Variants in ATP12A observed in about 807,000 individuals in gnomAD.
ATP12A encodes potassium-transporting ATPase alpha chain 2.
Under a neutral mutation model 111.2 loss-of-function variants are expected in ATP12A, and 81 were observed. That is an observed-to-expected ratio of 0.73 (90% confidence interval 0.61 to 0.88). The LOEUF (loss-of-function observed/expected upper bound fraction) is 0.88. Ranked by LOEUF, ATP12A falls within the 40% of genes least tolerant of loss-of-function variation. ATP12A has a pLI of 0.00. For missense variants in ATP12A, 1,196 were observed against 1,313.1 expected (o/e 0.91, Z 1.38); for synonymous variants, 498 against 499.8 (o/e 1.00, Z 0.05).
chr13:24,710,721 C>T (rs1048568576), intron 20 of ATP12A, 71 bp from the exon 21 acceptor site: 39 of 1,597,214 alleles, frequency 2.4e-5, no homozygotes, highest in Non-Finnish European at 2.6e-5. Context: ...TTTCTGGTGG[C>T]ATGGTCTGCT....
At chr13:24,706,490 C>A (rs1170477863) in intron 15 of ATP12A, 27 bp downstream of exon 15, 1 of 1,608,602 alleles carries the variant, frequency 6.2e-7, no homozygotes, top group Non-Finnish European at 8.5e-7. Flanking sequence ...GTCCAGAGGA[C>A]TGACAGGCCC....
intron 5 of ATP12A, 80 bp from the exon 6 acceptor site, chr13:24,690,258 G>C: frequency 6.4e-7 from 1 of 1,570,058 alleles, no homozygotes; most frequent in South Asian, 1.2e-5. Context: ...CTCTGTCCTG[G>C]GGTTCGGTGC....
At chr13:24,694,122 G>C (rs1875024899) in intron 10 of ATP12A, among the ~76,000 whole-genome samples, 1 of 152,150 alleles carries the variant, frequency 6.6e-6, no homozygotes. Context: ...TCATGCCCCT[G>C]CACCCGCATC....
chr13:24,688,468 T>C lies in ATP12A; in HGVS notation c.378T>C (p.Cys126=), dbSNP rs1360303624. Residue 126 remains cysteine (C), a synonymous_variant, in exon 4 of 23, where the codon TGT becomes TGC. Transcript: ENST00000381946. ...SILLWVGAFL[C]WIAYGIQYSS... Reference sequence around the variant, plus strand: ...TCCTGTGGGTGGGCGCCTTTCTCTGTTGGATTGCATATGGGATTCAGTACT... The same window carrying C: ...TCCTGTGGGTGGGCGCCTTTCTCTGCTGGATTGCATATGGGATTCAGTACT... The C allele has an allele frequency of 3.1e-6, 5 of 1,613,680 alleles. No homozygotes were observed. In the Admixed American group the frequency reaches 6.7e-5, roughly 22 times the overall value.
chr13:24,708,761 T>C (rs913057598), intron 17 of ATP12A, among the ~76,000 whole-genome samples: 3 of 149,898 alleles, frequency 2.0e-5, no homozygotes, highest in South Asian at 2.1e-4. Context: ...TCCAGATAAC[T>C]GGGCTAGGAA....
At chr13:24,709,279 G>GCCCCCCCCC in intron 17 of ATP12A, 85 bp from the exon 18 acceptor site, 1 of 211,220 alleles carries the variant, frequency 4.7e-6, no homozygotes, top group Admixed American at 5.7e-5. Context: ...TCCAGCCAGT[G>GCCCCCCCCC]CCCCACCCAC....
In ATP12A at chr13:24,682,286, ATGTG is replaced by A. The variant is rs1420960830; in HGVS notation, c.168+569_168+572del. Among the ~76,000 whole-genome samples the A allele has an allele frequency of 4.3e-5, 3 of 70,438 alleles. No individual in the cohort carries two copies. The East Asian group carries it at 1.4e-3, about 34-fold the overall frequency. The allele number at this position is 70,438 out of a possible 152,430, so 46.2% of individuals were successfully genotyped here. A position where few individuals can be genotyped will look rare whatever the true frequency, so the allele number is the denominator to read the frequency against. On this transcript the variant is annotated intron_variant, in intron 2 of 22. Transcript: ENST00000381946. ...GGTGTGTGTGTAGTGTGTGGTGTGT[ATGTG>A]TGGTGTGTGTATGTGCATGGTATGT...
chr13:24,708,410 T>C (rs745431065), intron 17 of ATP12A, among the ~76,000 whole-genome samples: 12 of 152,294 alleles, frequency 7.9e-5, no homozygotes, highest in Non-Finnish European at 1.6e-4. Context: ...TCTCTTGTTT[T>C]CTACAACACC....
intron 7 of ATP12A, 33 bp downstream of exon 7, chr13:24,690,754 C>A: frequency 6.4e-7 from 1 of 1,574,008 alleles, no homozygotes; most frequent in Admixed American, 1.7e-5. Context: ...CCCACATGTC[C>A]ACCTGTGTCC....
At chr13:24,684,164 A>G (rs562673682) in intron 2 of ATP12A, among the ~76,000 whole-genome samples, 83 of 152,060 alleles carry the variant, frequency 5.5e-4, no homozygotes, top group Admixed American at 1.8e-3. Flanking sequence ...GTATCTGCCC[A>G]AAACTTAGTG....
At chr13:24,695,573 G>A (rs941459624) in intron 11 of ATP12A, among the ~76,000 whole-genome samples, 2 of 150,254 alleles carry the variant, frequency 1.3e-5, no homozygotes, top group African/African-American at 4.9e-5. Context: ...TCTTAGTTCG[G>A]ATGGAATTTA....
Position 24,698,721 on chromosome 13 carries a change from CCT to C in ATP12A, c.1577_1578del (p.Pro526ArgfsTer61), listed in dbSNP as rs778746285. ...KRFLMVMKGAPERILEKCSTI... is the reference protein window; with the variant it reads ...KRFLMVMKGAXERILEKCSTI... Reference sequence around the variant, plus strand: ...CTTCCTCATGGTGATGAAGGGGGCCCCTGAGCGCATCCTAGAGAAATGCAGCA... The same window carrying C: ...CTTCCTCATGGTGATGAAGGGGGCCCGAGCGCATCCTAGAGAAATGCAGCA... On this transcript the variant is annotated frameshift_variant, in exon 12 of 23. Transcript: ENST00000381946. LOFTEE classifies it high-confidence loss of function. 1.9e-5 allele frequency: 31 copies of C among 1,613,918 alleles called. No homozygotes were observed. Among genetic ancestry groups the C allele is most frequent in the Non-Finnish European group, 2.5e-5 (30 of 1,180,028 alleles).
rs745714575 is a variant in ATP12A at position 24,709,406 on chromosome 13, A to G, written c.2536A>G (p.Ile846Val). ...ALAYEKAESD[I>V]MNRKPRHKNK... ...GGCGTACGAGAAAGCTGAAAGTGAC[A>G]TCATGAACAGGAAGCCTCGCCACAA... The change falls in exon 18 of 23, where the codon ATC (isoleucine) becomes GTC (valine). Residue 846 changes from isoleucine (I) to valine (V), a missense_variant. Transcript: ENST00000381946. The G allele has an allele frequency of 7.4e-6, 12 of 1,613,800 alleles. No individual in the cohort carries two copies. Among genetic ancestry groups the G allele is most frequent in the Non-Finnish European group, 1.0e-5 (12 of 1,180,004 alleles).
chr13:24,706,605 T>A, intron 15 of ATP12A, 142 bp downstream of exon 15: 1 of 1,260,296 alleles, frequency 7.9e-7, no homozygotes, highest in Middle Eastern at 2.5e-4. Flanking sequence ...ACCTGACCTC[T>A]CCAACCTCTC....
intron 2 of ATP12A, among the ~76,000 whole-genome samples, chr13:24,684,073 C>T (rs1420176998): frequency 1.3e-5 from 2 of 151,148 alleles, no homozygotes; most frequent in African/African-American, 4.9e-5. Flanking sequence ...TCGTCCCACC[C>T]CTCCCCCATG....
intron 11 of ATP12A, among the ~76,000 whole-genome samples, chr13:24,697,584 G>A (rs1032411941): frequency 2.0e-5 from 3 of 149,628 alleles, no homozygotes; most frequent in African/African-American, 2.5e-5. Flanking sequence ...AGGCTGCAGT[G>A]AGCTGTGATC....
intron 17 of ATP12A, among the ~76,000 whole-genome samples, chr13:24,708,969 GA>G (rs1875832969): frequency 6.8e-6 from 1 of 146,450 alleles, no homozygotes; most frequent in African/African-American, 2.5e-5. Context: ...AAGAAGGAAA[GA>G]GAAAGAGAAA....
chr13:24,694,318 A>G, intron 10 of ATP12A, 126 bp from the exon 11 acceptor site: 1 of 1,244,136 alleles, frequency 8.0e-7, no homozygotes. Context: ...GCCCTCCCTG[A>G]TCACGTGATA....
Position 24,710,908 on chromosome 13 carries a change from A to G in ATP12A, c.2999+15A>G. On this transcript the variant is annotated intron_variant, in intron 21 of 22. Transcript: ENST00000381946. ...ACCATGCTTAGGTGAGTTCACCCTCAACAGCATGGAGGAAAGAGCCAGCCT... is the reference window on the plus strand; with the variant it reads ...ACCATGCTTAGGTGAGTTCACCCTCGACAGCATGGAGGAAAGAGCCAGCCT... The G allele has an allele frequency of 1.9e-6, 3 of 1,605,762 alleles. No individual in the cohort carries two copies. In the South Asian group the frequency reaches 3.3e-5, roughly 18 times the overall value.
Sources: gnomAD v4.1 joint callset for allele counts (sites outside exome capture counted in the v4.1 genomes callset) on GRCh38, gnomAD v4.1.1 for gene constraint, MANE v1.5 for transcripts, NCBI Gene and HGNC (gene_info 2026-07-23, HGNC 2026-07-21) for gene names.